OXCT1: variants seen among roughly 807,000 people sequenced by gnomAD.
The protein encoded by OXCT1 is 3-oxoacid CoA-transferase 1.
Under a neutral mutation model 69.6 loss-of-function variants are expected in OXCT1, and 27 were observed. The ratio of observed to expected loss-of-function variants is 0.39; its 90% CI spans 0.29 to 0.54. The LOEUF is 0.54. Among genes scored for constraint, OXCT1 ranks in the 20% least tolerant of loss-of-function variants. The pLI is 0.72. For synonymous variants in OXCT1, 202 were observed against 217.8 expected (o/e 0.93, Z 0.64); for missense variants, 437 against 650.2 (o/e 0.67, Z 3.57).
intron 3 of OXCT1, among the ~76,000 whole-genome samples, chr5:41,855,847 C>T (rs1749404023): frequency 6.6e-6 from 1 of 152,040 alleles, no homozygotes; most frequent in East Asian, 1.9e-4. Flanking sequence ...AGAAAGATAG[C>T]AGAAAAAATC....
At chr5:41,850,712 T>C (rs1007864480) in intron 4 of OXCT1, among the ~76,000 whole-genome samples, 11 of 152,198 alleles carry the variant, frequency 7.2e-5, no homozygotes, top group African/African-American at 2.4e-4. Flanking sequence ...TACTGGTAAA[T>C]TGGTTTTTAA....
At chr5:41,840,893 T>C (rs926475736) in intron 6 of OXCT1, among the ~76,000 whole-genome samples, 1 of 152,216 alleles carries the variant, frequency 6.6e-6, no homozygotes, top group South Asian at 2.1e-4. Flanking sequence ...CCACTTGCTT[T>C]CATTAAAATA....
At chr5:41,819,542 G>A (rs919673216) in intron 7 of OXCT1, among the ~76,000 whole-genome samples, 11 of 151,940 alleles carry the variant, frequency 7.2e-5, no homozygotes, top group Non-Finnish European at 1.5e-4. Context: ...ACTAATTTTT[G>A]TATTTTTAGT....
At chr5:41,830,322 C>T (rs914364679) in intron 7 of OXCT1, among the ~76,000 whole-genome samples, 14 of 152,028 alleles carry the variant, frequency 9.2e-5, no homozygotes, top group African/African-American at 4.8e-5. Flanking sequence ...TTTCTTTTTT[C>T]CATATTGTAT....
intron 5 of OXCT1, 95 bp downstream of exon 5, chr5:41,849,933 CAT>C (rs1749098390): frequency 1.6e-6 from 2 of 1,244,414 alleles, no homozygotes; most frequent in South Asian, 1.2e-5. Flanking sequence ...CTTTTTCTCA[CAT>C]AGAGGTGATT....
chr5:41,744,449 C>A (rs955098172), intron 15 of OXCT1, among the ~76,000 whole-genome samples: 1 of 152,018 alleles, frequency 6.6e-6, no homozygotes, highest in African/African-American at 2.4e-5. Context: ...AATTGAATAC[C>A]CTTTGTTTCC....
intron 15 of OXCT1, among the ~76,000 whole-genome samples, chr5:41,745,268 C>T (rs1280864196): frequency 6.6e-6 from 1 of 152,044 alleles, no homozygotes; most frequent in African/African-American, 2.4e-5. Context: ...CACTCAACTA[C>T]ATGGAAACTG....
At chr5:41,763,492 T>C (rs1744446426) in intron 13 of OXCT1, among the ~76,000 whole-genome samples, 1 of 152,146 alleles carries the variant, frequency 6.6e-6, no homozygotes, top group South Asian at 2.1e-4. Context: ...AAGTTGGTCA[T>C]AATATTTCTG....
intron 13 of OXCT1, among the ~76,000 whole-genome samples, chr5:41,766,107 T>C (rs1744584635): frequency 6.6e-6 from 1 of 152,130 alleles, no homozygotes; most frequent in South Asian, 2.1e-4. Context: ...CATACATTTC[T>C]TAAAGGATGC....
intron 13 of OXCT1, among the ~76,000 whole-genome samples, chr5:41,769,108 T>A (rs1744756525): frequency 6.6e-6 from 1 of 152,194 alleles, no homozygotes; most frequent in Non-Finnish European, 1.5e-5. Context: ...ATCCACATGA[T>A]TATTTTAGGA....
intron 7 of OXCT1, among the ~76,000 whole-genome samples, chr5:41,831,331 T>C (rs1748086841): frequency 1.3e-5 from 2 of 152,172 alleles, no homozygotes; most frequent in Admixed American, 6.5e-5. Flanking sequence ...AAATCTAGCT[T>C]CCTCTCTTTC....
intron 1 of OXCT1, chr5:41,869,993 GGAGCGC>G: frequency 1.0e-4 from 47 of 458,588 alleles, no homozygotes; most frequent in Middle Eastern, 6.4e-4. Context: ...AAAGGGCTCG[GGAGCGC>G]TGCCAGGAGT....
At chr5:41,811,081 G>GAAAAAA (rs57545957) in intron 7 of OXCT1, among the ~76,000 whole-genome samples, 1 of 137,280 alleles carries the variant, frequency 7.3e-6, no homozygotes, top group African/African-American at 2.7e-5. Context: ...AAAAGAGAGG[G>GAAAAAA]AAAAAAAAAA....
At chr5:41,853,356 C>T in intron 4 of OXCT1, 63 bp downstream of exon 4, 1 of 1,483,770 alleles carries the variant, frequency 6.7e-7, no homozygotes, top group Non-Finnish European at 9.4e-7. Context: ...AAGAAATTTC[C>T]ACGGAGAAAA....
At chr5:41,840,572 C>T in intron 6 of OXCT1, 61 bp from the exon 7 acceptor site, 3 of 996,280 alleles carry the variant, frequency 3.0e-6, no homozygotes, top group Non-Finnish European at 4.8e-6. Context: ...GCATCTCTGT[C>T]ACCTTTAAGG....
chr5:41,825,653 C>A (rs975379689), intron 7 of OXCT1, among the ~76,000 whole-genome samples: 4 of 152,060 alleles, frequency 2.6e-5, no homozygotes, highest in African/African-American at 9.7e-5. Flanking sequence ...TTATTTATGT[C>A]CCCAAAAGAA....
chr5:41,805,680 C>A lies in OXCT1; in HGVS notation c.842G>T (p.Arg281Leu), dbSNP rs200306864. 2 of 1,576,658 alleles carry A rather than the reference C, an allele frequency of 1.3e-6. No homozygotes were observed. Among genetic ancestry groups the A allele is most frequent in the Non-Finnish European group, 1.7e-6 (2 of 1,146,252 alleles). The change falls in exon 9 of 17, where the codon CGT becomes CTT. Residue 281 changes from arginine (R) to leucine (L), a missense_variant and splice_region_variant. Around this residue, in one of 4 missense-constraint regions of OXCT1, gnomAD observed 252 missense variants for 397.4 expected, o/e 0.63. Transcript: ENST00000196371. ...KGEKYEKRIE[R>L]LSIRKEGDGE... ...ATCTCCCTCTTTCCGGATTGATAAA[C>A]GCTTTAAATTAAACAGAAATAAATT...
At chr5:41,805,750 A>G in intron 8 of OXCT1, 69 bp from the exon 9 acceptor site, 1 of 1,009,306 alleles carries the variant, frequency 9.9e-7, no homozygotes, top group Non-Finnish European at 1.6e-6. Context: ...TGCTGAAATA[A>G]ATTTTACTGG....
chr5:41,820,002 G>C (rs552013895), intron 7 of OXCT1, among the ~76,000 whole-genome samples: 1 of 152,210 alleles, frequency 6.6e-6, no homozygotes, highest in South Asian at 2.1e-4. Flanking sequence ...TTCTAATCTA[G>C]AGTGCCTGGC....
Sources: allele counts gnomAD v4.1 joint callset (sites outside exome capture counted in the v4.1 genomes callset), GRCh38; gene constraint gnomAD v4.1.1; regional missense constraint gnomAD v4.1.1; transcripts MANE v1.5; gene names NCBI Gene and HGNC (gene_info 2026-07-23, HGNC 2026-07-21).